PCDHB9: variants seen among roughly 807,000 people sequenced by gnomAD.
PCDHB9 encodes the protein protocadherin beta 9.
For synonymous variants in PCDHB9, 501 were observed against 439.7 expected, an observed-to-expected ratio of 1.14 and a Z score of -1.75; for missense variants, 1,072 against 995.1, an observed-to-expected ratio of 1.08 and a Z score of -1.04.
chr5:141,188,003 C>G lies in PCDHB9; in HGVS notation c.685C>G (p.Arg229Gly), dbSNP rs782808992. The G allele has an allele frequency of 6.2e-7, 1 of 1,614,038 alleles. No individual in the cohort carries two copies. The highest frequency in any genetic ancestry group is 2.2e-5 in the East Asian group (1 of 44,878). ...ATCCAGGTCTGGGACCTCCACTATA[C>G]GCATTGTGGTCTTGGATGTCAATGA... ...SPSRSGTSTIRIVVLDVNDNV... is the reference protein window; with the variant it reads ...SPSRSGTSTIGIVVLDVNDNV... The change falls in exon 1 of 1, where the codon CGC becomes GGC. Residue 229 changes from arginine (R) to glycine (G), a missense_variant. Coordinates refer to ENST00000316105, the MANE Select transcript of PCDHB9 (RefSeq NM_019119.5).
In PCDHB9 at chr5:141,188,175, A is replaced by C; in HGVS notation, c.857A>C (p.Glu286Ala). 1 of 1,610,614 alleles carries C rather than the reference A, an allele frequency of 6.2e-7. No homozygotes were observed. Among genetic ancestry groups the C allele is most frequent in the Non-Finnish European group, 8.5e-7 (1 of 1,177,868 alleles). Reference sequence around the variant, plus strand: ...TCCTATTCATTTTTTGATGCTTCTGAAGATATTTTAACAACGTTTCAAATC... The same window carrying C: ...TCCTATTCATTTTTTGATGCTTCTGCAGATATTTTAACAACGTTTCAAATC... ...EVSYSFFDAS[E>A]DILTTFQINP... The change falls in exon 1 of 1, where the codon GAA (glutamate) becomes GCA (alanine). Residue 286 changes from glutamate to alanine, a missense_variant. By Grantham distance (107) the Glu-to-Ala change is moderately radical. Coordinates refer to ENST00000316105, the MANE Select transcript of PCDHB9 (RefSeq NM_019119.5).
rs782157740 is a variant in PCDHB9 at position 141,187,334 on chromosome 5, T to C, written c.16T>C (p.Phe6Leu). The C allele has an allele frequency of 1.2e-6, 2 of 1,613,784 alleles. No individual in the cohort carries two copies. Among genetic ancestry groups the C allele is most frequent in the South Asian group, 1.1e-5 (1 of 91,030 alleles). Residue 6 changes from phenylalanine to leucine, a missense_variant, in exon 1 of 1, where the codon TTC becomes CTC. Phe to Leu is a conservative substitution (Grantham distance 22). Coordinates refer to ENST00000316105, the MANE Select transcript of PCDHB9 (RefSeq NM_019119.5). The part of the protein sequence containing the change: MKTRG[F>L]SFPRQRQVLF... Reference sequence around the variant, plus strand: ...AGAAGCAGCTATGAAGACCAGGGGGTTCAGCTTTCCAAGACAAAGGCAAGT... The same window carrying C: ...AGAAGCAGCTATGAAGACCAGGGGGCTCAGCTTTCCAAGACAAAGGCAAGT...
rs782041122 is a variant in PCDHB9, at chr5:141,188,416, T to A, written c.1098T>A (p.Ala366=). The change falls in exon 1 of 1, where the codon GCT becomes GCA. Residue 366 remains alanine, a synonymous_variant. Coordinates refer to ENST00000316105, the MANE Select transcript of PCDHB9 (RefSeq NM_019119.5). The part of the protein sequence containing the change: ...VAENSPGIVL[A]VFKIKDRDSG... ...AAAACTCTCCTGGGATAGTATTGGC[T>A]GTTTTTAAGATTAAAGACAGAGACT... 8 of 1,614,046 alleles carry A rather than the reference T, an allele frequency of 5.0e-6. No homozygotes were observed. In the African/African-American group the frequency reaches 9.3e-5, roughly 19 times the overall value.
chr5:141,189,774 G>T lies in PCDHB9; in HGVS notation c.*62G>T, dbSNP rs1554283449. On this transcript the variant is annotated 3_prime_UTR_variant, in exon 1 of 1. Coordinates refer to ENST00000316105, the MANE Select transcript of PCDHB9 (RefSeq NM_019119.5). ...TATATTCTTGTTGGCTAACTAAATTGTGTATGCCCACCACAAAGAAGGTAC... is the reference window on the plus strand; with the variant it reads ...TATATTCTTGTTGGCTAACTAAATTTTGTATGCCCACCACAAAGAAGGTAC... The T allele has an allele frequency of 1.7e-5, 24 of 1,394,918 alleles. No individual in the cohort carries two copies. The highest frequency in any genetic ancestry group is 1.9e-5 in the Non-Finnish European group (19 of 1,023,954). 86.4% of individuals were successfully genotyped at this position (1,394,918 alleles called of 1,614,324 possible). A position where few individuals can be genotyped will look rare whatever the true frequency, so the allele number is the denominator to read the frequency against.
In PCDHB9 at chr5:141,188,713, C is replaced by A; in HGVS notation, c.1395C>A (p.Ser465Arg). 1 of 1,613,762 alleles carries A rather than the reference C, an allele frequency of 6.2e-7. No individual in the cohort carries two copies. The highest frequency in any genetic ancestry group is 8.5e-7 in the Non-Finnish European group (1 of 1,180,028). Residue 465 changes from serine (S) to arginine (R), a missense_variant, in exon 1 of 1, where the codon AGC (serine) becomes AGA (arginine). Ser to Arg is a moderately radical substitution (Grantham distance 110). Coordinates refer to ENST00000316105, the MANE Select transcript of PCDHB9 (RefSeq NM_019119.5). ...SYTLFVRENN[S>R]PALHIGSVSA... ...CCCTGTTCGTCCGGGAGAACAACAG[C>A]CCCGCCCTGCACATCGGCAGTGTCA... is the stretch of plus-strand genomic sequence containing the variant.
rs1554282886 is a variant in PCDHB9 at position 141,187,983 on chromosome 5, G to C, written c.665G>C (p.Arg222Thr). The C allele has an allele frequency of 6.2e-7, 1 of 1,614,006 alleles. No homozygotes were observed. The highest frequency in any genetic ancestry group is 2.2e-5 in the East Asian group (1 of 44,866). Reference sequence around the variant, plus strand: ...GCGCTGGATGGTGGGTCTCCATCCAGGTCTGGGACCTCCACTATACGCATT... The same window carrying C: ...GCGCTGGATGGTGGGTCTCCATCCACGTCTGGGACCTCCACTATACGCATT... ...LTALDGGSPS[R>T]SGTSTIRIVV... Residue 222 changes from arginine to threonine, a missense_variant, in exon 1 of 1, where the codon AGG (arginine) becomes ACG (threonine). Arg to Thr is a moderately conservative substitution (Grantham distance 71). Transcript: ENST00000316105.
In PCDHB9 at chr5:141,189,896, A is replaced by T. The variant is rs1554283482; in HGVS notation, c.*184A>T. The T allele has an allele frequency of 4.0e-6, 2 of 505,140 alleles. No individual in the cohort carries two copies. 31.3% of individuals were successfully genotyped at this position (505,140 alleles called of 1,614,324 possible). A position where few individuals can be genotyped will look rare whatever the true frequency, so the allele number is the denominator to read the frequency against. On this transcript the variant is annotated 3_prime_UTR_variant, in exon 1 of 1. Coordinates refer to ENST00000316105, the MANE Select transcript of PCDHB9 (RefSeq NM_019119.5). Reference sequence around the variant, plus strand: ...GTATCCTGATGAGGCATTTCTTACTAGAATCCCATAAGTGAAATATAATAT... The same window carrying T: ...GTATCCTGATGAGGCATTTCTTACTTGAATCCCATAAGTGAAATATAATAT...
Position 141,189,495 on chromosome 5 carries a change from C to T in PCDHB9, c.2177C>T (p.Ser726Leu). Reference sequence around the variant, plus strand: ...AGGGCGGCCTCGGTGGGTCGCTGCTCGGTGCCCGAGGGTCCTTTTCCAGGG... The same window carrying T: ...AGGGCGGCCTCGGTGGGTCGCTGCTTGGTGCCCGAGGGTCCTTTTCCAGGG... ...RSRAASVGRC[S>L]VPEGPFPGHL... The change falls in exon 1 of 1, where the codon TCG becomes TTG. Residue 726 changes from serine (S) to leucine (L), a missense_variant. By Grantham distance (145) the Ser-to-Leu change is moderately radical (BLOSUM62 -2). Coordinates refer to ENST00000316105, the MANE Select transcript of PCDHB9 (RefSeq NM_019119.5). The T allele has an allele frequency of 1.2e-6, 2 of 1,613,640 alleles. No homozygotes were observed. The highest frequency in any genetic ancestry group is 1.7e-6 in the Non-Finnish European group (2 of 1,179,974).
Position 141,188,619 on chromosome 5 carries a change from A to G in PCDHB9, c.1301A>G (p.Glu434Gly). Residue 434 changes from glutamate to glycine, a missense_variant, in exon 1 of 1, where the codon GAG (glutamate) becomes GGG (glycine). Coordinates refer to ENST00000316105, the MANE Select transcript of PCDHB9 (RefSeq NM_019119.5). ...TTGGGGACACCCAGGCTGAAAACCG[A>G]GCACAGCATAACCCTGCAGGTCTCC... is the stretch of plus-strand genomic sequence containing the variant. ...TDLGTPRLKT[E>G]HSITLQVSDV... 1 of 1,614,182 alleles carries G rather than the reference A, an allele frequency of 6.2e-7. No homozygotes were observed. Among genetic ancestry groups the G allele is most frequent in the Non-Finnish European group, 8.5e-7 (1 of 1,180,044 alleles).
Position 141,187,701 on chromosome 5 carries a change from A to T in PCDHB9, c.383A>T (p.Asp128Val). 1 of 1,614,142 alleles carries T rather than the reference A, an allele frequency of 6.2e-7. No homozygotes were observed. Among genetic ancestry groups the T allele is most frequent in the South Asian group, 1.1e-5 (1 of 91,072 alleles). Residue 128 changes from aspartate to valine, a missense_variant, in exon 1 of 1, where the codon GAT becomes GTT. Physicochemically the swap from Asp to Val is radical, Grantham distance 152. Coordinates refer to ENST00000316105, the MANE Select transcript of PCDHB9 (RefSeq NM_019119.5). ...GAGCTGAGAGTCAGGGATATAAATG[A>T]TCACTCGCCAGTGTTTCGGCACAAA... ...RAELRVRDINDHSPVFRHKEM... is the reference protein window; with the variant it reads ...RAELRVRDINVHSPVFRHKEM...
chr5:141,187,669 C>G lies in PCDHB9; in HGVS notation c.351C>G (p.Tyr117Ter). ...QILMDDPFQIYRAELRVRDIN... is the reference protein window; with the variant it reads ...QILMDDPFQI The stretch of plus-strand genomic sequence containing the variant: ...TAATGGATGATCCCTTTCAGATTTA[C>G]CGGGCTGAGCTGAGAGTCAGGGATA... The change falls in exon 1 of 1, where the codon TAC becomes TAG. Residue 117 changes from tyrosine to a stop codon, truncating the protein, a stop_gained. Coordinates refer to ENST00000316105, the MANE Select transcript of PCDHB9 (RefSeq NM_019119.5). LOFTEE classifies it low-confidence loss of function (END_TRUNC). The G allele has an allele frequency of 1.2e-6, 2 of 1,613,936 alleles. No homozygotes were observed. Among genetic ancestry groups the G allele is most frequent in the Non-Finnish European group, 1.7e-6 (2 of 1,180,008 alleles).
rs200278970 is a variant in PCDHB9 at position 141,187,861 on chromosome 5, A to C, written c.543A>C (p.Lys181Asn). Residue 181 changes from lysine to asparagine, a missense_variant, in exon 1 of 1, where the codon AAA (lysine) becomes AAC (asparagine). Coordinates refer to ENST00000316105, the MANE Select transcript of PCDHB9 (RefSeq NM_019119.5). ...TISSNSFFHI[K>N]ISGSDEGMIY... ...GCTCCAACTCTTTTTTCCATATTAAAATTAGTGGCAGTGATGAAGGCATGA... is the reference window on the plus strand; with the variant it reads ...GCTCCAACTCTTTTTTCCATATTAACATTAGTGGCAGTGATGAAGGCATGA... 7.2e-5 allele frequency: 116 copies of C among 1,613,988 alleles called. No homozygotes were observed. Among genetic ancestry groups the C allele is most frequent in the African/African-American group, 5.3e-5 (4 of 74,890 alleles).
rs1339641863 is a variant in PCDHB9, at chr5:141,189,816, C to A, written c.*104C>A. On this transcript the variant is annotated 3_prime_UTR_variant, in exon 1 of 1. Transcript: ENST00000316105. ...AGAAGGTACTATTTTTTGTTTGATT[C>A]ATCTTCAACTTTGCGTATTATGCTT... 2.9e-6 allele frequency: 3 copies of A among 1,032,954 alleles called. No individual in the cohort carries two copies. Among genetic ancestry groups the A allele is most frequent in the Non-Finnish European group, 4.2e-6 (3 of 718,966 alleles). The allele number at this position is 1,032,954 out of a possible 1,614,324, so 64.0% of individuals were successfully genotyped here. A position where few individuals can be genotyped will look rare whatever the true frequency, so the allele number is the denominator to read the frequency against.
Position 141,188,554 on chromosome 5 carries a change from G to A in PCDHB9, c.1236G>A (p.Glu412=), listed in dbSNP as rs202014579. Residue 412 remains glutamate (E), a synonymous_variant, in exon 1 of 1, where the codon GAG becomes GAA. Coordinates refer to ENST00000316105, the MANE Select transcript of PCDHB9 (RefSeq NM_019119.5). ...TGACTGAAGGTGCACTGGACAGAGA[G>A]AGCAAAGCTGAGTACAACATCACCA... ...ILMTEGALDR[E]SKAEYNITIT... The A allele has an allele frequency of 7.4e-5, 119 of 1,614,098 alleles. No homozygotes were observed. The highest frequency in any genetic ancestry group is 4.3e-4 in the Admixed American group (26 of 60,008).
chr5:141,188,353 T>G lies in PCDHB9; in HGVS notation c.1035T>G (p.Pro345=), dbSNP rs1554282986. The G allele has an allele frequency of 1.2e-6, 2 of 1,614,106 alleles. No individual in the cohort carries two copies. Among genetic ancestry groups the G allele is most frequent in the South Asian group, 1.1e-5 (1 of 91,078 alleles). The change falls in exon 1 of 1, where the codon CCT becomes CCG. Residue 345 remains proline, a synonymous_variant. Coordinates refer to ENST00000316105, the MANE Select transcript of PCDHB9 (RefSeq NM_019119.5). The part of the protein sequence containing the change: ...IKVLDSNDNP[P]ELIISSLSNS... ...TATTAGATTCCAATGACAATCCTCC[T>G]GAACTGATCATATCATCACTTTCCA...
rs1259803022 is a variant in PCDHB9 at position 141,188,797 on chromosome 5, C to G, written c.1479C>G (p.Pro493=). ...NAQVTYSLLP[P]QDPHLPLASL... is the part of the protein sequence containing the mutation. The stretch of plus-strand genomic sequence containing the variant: ...AGGTCACCTACTCGCTGCTGCCGCC[C>G]CAGGACCCACACCTGCCCCTCGCCT... The change falls in exon 1 of 1, where the codon CCC becomes CCG. Residue 493 remains proline (P), a synonymous_variant. Coordinates refer to ENST00000316105, the MANE Select transcript of PCDHB9 (RefSeq NM_019119.5). The G allele has an allele frequency of 6.2e-7, 1 of 1,612,846 alleles. No homozygotes were observed. Among genetic ancestry groups the G allele is most frequent in the African/African-American group, 1.3e-5 (1 of 74,878 alleles).
In PCDHB9 at chr5:141,187,874, G is replaced by A. The variant is rs782640498; in HGVS notation, c.556G>A (p.Asp186Asn). The change falls in exon 1 of 1, where the codon GAT (aspartate) becomes AAT (asparagine). Residue 186 changes from aspartate to asparagine, a missense_variant. Transcript: ENST00000316105. ...SFFHIKISGS[D>N]EGMIYPELVL... ...TTTCCATATTAAAATTAGTGGCAGT[G>A]ATGAAGGCATGATATATCCAGAGCT... 2 of 1,614,206 alleles carry A rather than the reference G, an allele frequency of 1.2e-6. No homozygotes were observed. The highest frequency in any genetic ancestry group is 2.2e-5 in the South Asian group (2 of 91,078).
rs1554283378 is a variant in PCDHB9, at chr5:141,189,497, G to C, written c.2179G>C (p.Val727Leu). The C allele has an allele frequency of 1.6e-5, 26 of 1,613,330 alleles. No homozygotes were observed. The highest frequency in any genetic ancestry group is 2.2e-5 in the Non-Finnish European group (26 of 1,179,910). The change falls in exon 1 of 1, where the codon GTG (valine) becomes CTG (leucine). Residue 727 changes from valine to leucine, a missense_variant. Physicochemically the swap from Val to Leu is conservative, Grantham distance 32. Transcript: ENST00000316105. ...SRAASVGRCS[V>L]PEGPFPGHLV... ...GGCGGCCTCGGTGGGTCGCTGCTCG[G>C]TGCCCGAGGGTCCTTTTCCAGGGCA...
Position 141,189,266 on chromosome 5 carries a change from C to A in PCDHB9, c.1948C>A (p.Pro650Thr), listed in dbSNP as rs1554283293. The change falls in exon 1 of 1, where the codon CCT (proline) becomes ACT (threonine). Residue 650 changes from proline to threonine, a missense_variant. Physicochemically the swap from Pro to Thr is conservative, Grantham distance 38. Transcript: ENST00000316105. ...GGTGCTTGTCAAGGACAATGGCGAGCCTCCTCGCTCGGCCACCGCCACGCT... is the reference window on the plus strand; with the variant it reads ...GGTGCTTGTCAAGGACAATGGCGAGACTCCTCGCTCGGCCACCGCCACGCT... ...LVVLVKDNGE[P>T]PRSATATLHV... 6.2e-7 allele frequency: 1 copy of A among 1,607,796 alleles called. No individual in the cohort carries two copies. Among genetic ancestry groups the A allele is most frequent in the African/African-American group, 1.3e-5 (1 of 74,966 alleles).
Sources: gnomAD v4.1 joint callset for allele counts on GRCh38, gnomAD v4.1.1 for gene constraint, MANE v1.5 for transcripts, NCBI Gene and HGNC (gene_info 2026-07-23, HGNC 2026-07-21) for gene names.